CMIP: variants seen among roughly 807,000 people sequenced by gnomAD.
CMIP encodes C-Maf-inducing protein.
A neutral mutation model predicts 97.3 loss-of-function variants in CMIP; 13 were observed. The ratio of observed to expected loss-of-function variants is 0.13; its 90% CI spans 0.09 to 0.21. The LOEUF is 0.21. Among genes scored for constraint, CMIP ranks in the 10% least tolerant of loss-of-function variants. The pLI, the probability that CMIP is intolerant of heterozygous loss-of-function variation, is 1.00. For synonymous variants in CMIP, 538 were observed against 436.3 expected (o/e 1.23, Z -2.91); for missense variants, 847 against 1,024.9 (o/e 0.83, Z 2.37).
At chr16:81,513,268 T>A (rs1390776999) in intron 1 of CMIP, among the ~76,000 whole-genome samples, 2 of 152,234 alleles carry the variant, frequency 1.3e-5, no homozygotes, top group Non-Finnish European at 2.9e-5. Context: ...GTGTGGGGCT[T>A]CCTGCCAGCA....
At chr16:81,573,338 C>A (rs1376494969) in intron 1 of CMIP, among the ~76,000 whole-genome samples, 1 of 150,108 alleles carries the variant, frequency 6.7e-6, no homozygotes, top group Non-Finnish European at 1.5e-5. Flanking sequence ...AGCTAGACTC[C>A]ATCTCAAAAA....
At chr16:81,520,919 G>A (rs1345939235) in intron 1 of CMIP, among the ~76,000 whole-genome samples, 2 of 151,970 alleles carry the variant, frequency 1.3e-5, no homozygotes, top group African/African-American at 4.8e-5. Context: ...GCTGTCGTGA[G>A]TGTGTGGCTA....
intron 1 of CMIP, among the ~76,000 whole-genome samples, chr16:81,473,811 GTT>G (rs5818337): frequency 7.1e-4 from 90 of 127,068 alleles, no homozygotes; most frequent in African/African-American, 2.3e-3. Context: ...CCACACAGTG[GTT>G]TTTTTTTTTT....
Position 81,705,348 on chromosome 16 carries a change from A to G in CMIP, c.2092-151A>G, listed in dbSNP as rs762801297. 4.2e-5 allele frequency: 24 copies of G among 575,118 alleles called. 1 individual carries two copies. The highest frequency in any genetic ancestry group is 7.4e-5 in the Non-Finnish European group (24 of 324,576). 35.6% of individuals were successfully genotyped at this position (575,118 alleles called of 1,614,324 possible). ...AGAGAGGCGTGGGATTGTTTAGGGG[A>G]CGTGAACGCAGCCCAGACCCCAGGG... On this transcript the variant is annotated intron_variant, in intron 18 of 20. Transcript: ENST00000537098.
intron 1 of CMIP, among the ~76,000 whole-genome samples, chr16:81,537,860 TG>T (rs2150833856): frequency 6.6e-6 from 1 of 151,966 alleles, no homozygotes; most frequent in South Asian, 2.1e-4. Flanking sequence ...GGGGGCTGCA[TG>T]CGTGGGGTGC....
At chr16:81,451,370 C>G (rs1906205284) in intron 1 of CMIP, among the ~76,000 whole-genome samples, 1 of 152,218 alleles carries the variant, frequency 6.6e-6, no homozygotes, top group Admixed American at 6.5e-5. Context: ...TAAGTTCCCC[C>G]CAGCCACGTG....
chr16:81,566,045 A>G (rs1243392424), intron 1 of CMIP, among the ~76,000 whole-genome samples: 1 of 152,048 alleles, frequency 6.6e-6, no homozygotes, highest in Non-Finnish European at 1.5e-5. Context: ...TTTGAGGCTG[A>G]AATTGGGCAG....
At chr16:81,593,011 C>T (rs890845228) in intron 1 of CMIP, among the ~76,000 whole-genome samples, 2 of 152,236 alleles carry the variant, frequency 1.3e-5, no homozygotes, top group African/African-American at 2.4e-5. Context: ...ATTTTCATCC[C>T]TCTTCTCATG....
At chr16:81,524,919 C>A (rs1366340951) in intron 1 of CMIP, among the ~76,000 whole-genome samples, 1 of 151,344 alleles carries the variant, frequency 6.6e-6, no homozygotes, top group African/African-American at 2.4e-5. Context: ...TCAGCCTCCT[C>A]TTAGTAGCTA....
rs1908232826 is a variant in CMIP, at chr16:81,707,070, T to C, written c.2254T>C (p.Tyr752His). 6.2e-7 allele frequency: 1 copy of C among 1,613,714 alleles called. No homozygotes were observed. Among genetic ancestry groups the C allele is most frequent in the Non-Finnish European group, 8.5e-7 (1 of 1,179,722 alleles). The change falls in exon 20 of 21, where the codon TAC (tyrosine) becomes CAC (histidine). Residue 752 changes from tyrosine (Y) to histidine (H), a missense_variant. By Grantham distance (83) the Tyr-to-His change is moderately conservative. This residue lies in a region of CMIP where 266 missense variants were observed against 384.2 expected (regional missense o/e 0.69). Transcript: ENST00000537098. ...MNSTKLSADTYEDLKAKLPNL... is the reference protein window; with the variant it reads ...MNSTKLSADTHEDLKAKLPNL... ...CAGCACCAAGCTCTCAGCTGACACC[T>C]ACGAAGATCTGAAGGTAATTCCCTC...
intron 1 of CMIP, among the ~76,000 whole-genome samples, chr16:81,538,855 C>T (rs1487464684): frequency 6.6e-6 from 1 of 151,864 alleles, no homozygotes; most frequent in Non-Finnish European, 1.5e-5. Context: ...ATTCTAAGGT[C>T]ATTAATTTTA....
chr16:81,670,212 C>T lies in CMIP; in HGVS notation c.896C>T (p.Ala299Val), dbSNP rs1018468079. ...ATCCTTGCCTTGAACGAGCTCAACG[C>T]GGGGATGGAAGTGGTGAAGAAGTTC... The part of the protein sequence containing the change: ...EYILALNELN[A>V]GMEVVKKFIQ... Residue 299 changes from alanine (A) to valine (V), a missense_variant, in exon 8 of 21, where the codon GCG (alanine) becomes GTG (valine). Around this residue, in one of 4 missense-constraint regions of CMIP, gnomAD observed 285 missense variants for 392.2 expected, o/e 0.73. Coordinates refer to ENST00000537098, the MANE Select transcript of CMIP (RefSeq NM_198390.3). 4.3e-6 allele frequency: 7 copies of T among 1,611,412 alleles called. No homozygotes were observed. The highest frequency in any genetic ancestry group is 3.3e-5 in the Admixed American group (2 of 59,708).
intron 1 of CMIP, among the ~76,000 whole-genome samples, chr16:81,551,234 C>G (rs891738355): frequency 2.0e-5 from 3 of 151,342 alleles, no homozygotes; most frequent in Admixed American, 2.0e-4. Context: ...CACACACACC[C>G]CAGTTTCATC....
At chr16:81,706,942 A>T (rs996211891) in intron 19 of CMIP, 72 bp from the exon 20 acceptor site, 61 of 1,344,920 alleles carry the variant, frequency 4.5e-5, no homozygotes, top group Non-Finnish European at 6.1e-5. Flanking sequence ...GAGCTCCTCC[A>T]GCTTGGCCAT....
At position 81,711,053 on chromosome 16, in the gene CMIP, A is replaced by G. The variant is rs1042899282; in HGVS notation, c.*1254A>G. The G allele has an allele frequency of 1.6e-5, 2 of 122,852 alleles. No homozygotes were observed. Among genetic ancestry groups the G allele is most frequent in the African/African-American group, 6.3e-5 (2 of 31,794 alleles). The allele number at this position is 122,852 out of a possible 1,614,324, so 7.6% of individuals were successfully genotyped here. On this transcript the variant is annotated 3_prime_UTR_variant, in exon 21 of 21. Coordinates refer to ENST00000537098, the MANE Select transcript of CMIP (RefSeq NM_198390.3). ...CCACCCCCCACATGTGACCACTGCA[A>G]CGAAGACACTCCTTCTGTCCCCACC...
chr16:81,670,444 C>G (rs575086390), intron 8 of CMIP, among the ~76,000 whole-genome samples, 199 bp downstream of exon 8: 2 of 152,250 alleles, frequency 1.3e-5, no homozygotes, highest in Admixed American at 1.3e-4. Context: ...CCTCAGGTCC[C>G]ACGACCCCTC....
chr16:81,693,116 C>T (rs779217821), intron 11 of CMIP, 42 bp from the exon 12 acceptor site: 60 of 1,567,292 alleles, frequency 3.8e-5, no homozygotes, highest in East Asian at 2.2e-4. Flanking sequence ...CTGTTTCCGA[C>T]GCTTCTGTTA....
At chr16:81,508,024 A>C (rs967845039) in intron 1 of CMIP, among the ~76,000 whole-genome samples, 1 of 152,234 alleles carries the variant, frequency 6.6e-6, no homozygotes, top group African/African-American at 2.4e-5. Flanking sequence ...CTATCCACCC[A>C]TGCTTAACGG....
intron 1 of CMIP, among the ~76,000 whole-genome samples, chr16:81,571,994 A>G (rs149657457): frequency 6.6e-6 from 1 of 152,186 alleles, no homozygotes; most frequent in Non-Finnish European, 1.5e-5. Context: ...GAAGAGTTGC[A>G]TCATGAGACC....
Sources: gnomAD v4.1 joint callset for allele counts (sites outside exome capture counted in the v4.1 genomes callset) on GRCh38, gnomAD v4.1.1 for gene constraint, gnomAD v4.1.1 regional missense constraint, MANE v1.5 for transcripts, NCBI Gene and HGNC (gene_info 2026-07-23, HGNC 2026-07-21) for gene names.